Variants in LPIN2 observed in about 807,000 individuals in gnomAD.
LPIN2 encodes the protein phosphatidate phosphatase LPIN2.
LPIN2 carries 55 observed loss-of-function variants against 111.4 expected under a neutral mutation model. The observed-to-expected ratio is 0.49, with a 90% confidence interval of 0.40 to 0.62. The LOEUF (loss-of-function observed/expected upper bound fraction) is 0.62. LPIN2 is among the 20% of genes least tolerant of loss of function. LPIN2 has a pLI of 0.00. For synonymous variants in LPIN2, 425 were observed against 414.0 expected, an observed-to-expected ratio of 1.03 and a Z score of -0.32; for missense variants, 992 against 1,112.1, an observed-to-expected ratio of 0.89 and a Z score of 1.54.
intron 1 of LPIN2, among the ~76,000 whole-genome samples, chr18:2,988,685 C>T (rs2078220770): frequency 6.6e-6 from 1 of 152,186 alleles, no homozygotes; most frequent in African/African-American, 2.4e-5. Context: ...AAGTTAAATG[C>T]TGGTAATGTC....
At chr18:3,007,585 A>G (rs1201624055) in intron 1 of LPIN2, among the ~76,000 whole-genome samples, 1 of 152,240 alleles carries the variant, frequency 6.6e-6, no homozygotes. Flanking sequence ...CTCCTAAAAC[A>G]AACAAAAGAT....
chr18:2,951,412 A>T (rs2077535639), intron 3 of LPIN2, 56 bp from the exon 4 acceptor site: 1 of 1,419,574 alleles, frequency 7.0e-7, no homozygotes, highest in Non-Finnish European at 9.9e-7. Context: ...AGTGAATTAA[A>T]GCAGTAATAT....
intron 1 of LPIN2, among the ~76,000 whole-genome samples, chr18:3,010,478 T>A (rs756510884): frequency 4.0e-5 from 6 of 151,814 alleles, no homozygotes; most frequent in Non-Finnish European, 7.4e-5. Context: ...TTGAGAAGTA[T>A]AAAAACTTAC....
At chr18:2,942,138 T>C (rs1467404857) in intron 4 of LPIN2, among the ~76,000 whole-genome samples, 2 of 152,202 alleles carry the variant, frequency 1.3e-5, no homozygotes, top group Non-Finnish European at 2.9e-5. Context: ...ATACTCTTAT[T>C]TACCACTAAC....
chr18:3,008,166 G>T (rs1480166269), intron 1 of LPIN2, among the ~76,000 whole-genome samples: 3 of 152,224 alleles, frequency 2.0e-5, no homozygotes, highest in African/African-American at 7.2e-5. Flanking sequence ...CTTAGGCTGG[G>T]CACAGTGGCT....
intron 9 of LPIN2, among the ~76,000 whole-genome samples, chr18:2,930,725 T>G (rs148555090): frequency 6.6e-6 from 1 of 152,228 alleles, no homozygotes; most frequent in African/African-American, 2.4e-5. Context: ...CTGACATGTC[T>G]GCTAAACTCC....
intron 2 of LPIN2, among the ~76,000 whole-genome samples, chr18:2,957,693 G>T (rs1462830436): frequency 6.6e-6 from 1 of 152,154 alleles, no homozygotes; most frequent in Non-Finnish European, 1.5e-5. Flanking sequence ...GGAGGTATTG[G>T]TGGCCATTTT....
intron 1 of LPIN2, among the ~76,000 whole-genome samples, chr18:3,000,738 G>C (rs189251489): frequency 2.0e-5 from 3 of 152,284 alleles, no homozygotes; most frequent in Non-Finnish European, 4.4e-5. Context: ...GGGCCTGCTA[G>C]CCAGGTCTAA....
At chr18:2,981,715 C>T (rs1205351788) in intron 1 of LPIN2, among the ~76,000 whole-genome samples, 1 of 152,174 alleles carries the variant, frequency 6.6e-6, no homozygotes, top group Non-Finnish European at 1.5e-5. Context: ...CATATTCAAA[C>T]CACGTCTTTC....
intron 2 of LPIN2, among the ~76,000 whole-genome samples, chr18:2,958,657 G>C (rs2077660435): frequency 6.6e-6 from 1 of 152,106 alleles, no homozygotes; most frequent in African/African-American, 2.4e-5. Flanking sequence ...TACTAAGGGA[G>C]TAGGAGGAAA....
intron 1 of LPIN2, among the ~76,000 whole-genome samples, chr18:2,977,548 GA>G (rs1567849398): frequency 6.6e-6 from 1 of 152,136 alleles, no homozygotes; most frequent in African/African-American, 2.4e-5. Context: ...CTGTGGGCAG[GA>G]AAATACAAGA....
rs1255279795 is a variant in LPIN2, at chr18:2,920,881, C to T, written c.2443G>A (p.Asp815Asn). 2 of 1,606,252 alleles carry T rather than the reference C, an allele frequency of 1.2e-6. No homozygotes were observed. The highest frequency in any genetic ancestry group is 1.7e-6 in the Non-Finnish European group (2 of 1,172,954). Reference protein sequence around the residue: ...FYAAFGNRPNDVYAYTQVGVP... With the variant: ...FYAAFGNRPNNVYAYTQVGVP... ...CCAACTTGTGTGTAGGCATAGACAT[C>T]CTGCAGAAGAAAATAGCAAGCGGGT... is the stretch of plus-strand genomic sequence containing the variant. The change falls in exon 19 of 20, where the codon GAT becomes AAT. Residue 815 changes from aspartate to asparagine, a missense_variant and splice_region_variant. Physicochemically the swap from Asp to Asn is conservative, Grantham distance 23. Transcript: ENST00000677752.
rs2077536153 is a variant in LPIN2, at chr18:2,951,431, T to C, written c.289-75A>G. ...AATTAAAGCAGTAATATTTTGAATA[T>C]ATAAATTTTCACCATGGTAAAAAAA... On this transcript the variant is annotated intron_variant, in intron 3 of 19. Transcript: ENST00000677752. 3 of 1,282,876 alleles carry C rather than the reference T, an allele frequency of 2.3e-6. No individual in the cohort carries two copies. The Admixed American group carries it at 6.5e-5, about 28-fold the overall frequency. The allele number at this position is 1,282,876 out of a possible 1,614,324, so 79.5% of individuals were successfully genotyped here.
intron 2 of LPIN2, among the ~76,000 whole-genome samples, chr18:2,955,322 T>C (rs1433343024): frequency 6.6e-6 from 1 of 152,148 alleles, no homozygotes; most frequent in East Asian, 1.9e-4. Flanking sequence ...AGGAAACCTT[T>C]ACTCACGGTG....
At chr18:3,009,533 G>C (rs746113086) in intron 1 of LPIN2, among the ~76,000 whole-genome samples, 12 of 151,760 alleles carry the variant, frequency 7.9e-5, no homozygotes, top group Non-Finnish European at 1.5e-4. Flanking sequence ...CTGCCTCCCA[G>C]GTTCAAATGA....
intron 4 of LPIN2, chr18:2,945,910 C>T: frequency 2.1e-6 from 3 of 1,420,562 alleles, no homozygotes; most frequent in South Asian, 1.2e-5. Flanking sequence ...CTCTTTTGTA[C>T]AGCCCTCTTG....
At chr18:2,985,658 C>A (rs2078177421) in intron 1 of LPIN2, among the ~76,000 whole-genome samples, 1 of 152,076 alleles carries the variant, frequency 6.6e-6, no homozygotes, top group Non-Finnish European at 1.5e-5. Context: ...GTATGTAAGA[C>A]TAGGTATACA....
At position 2,920,216 on chromosome 18, in the gene LPIN2, G is replaced by C. The variant is rs777471292; in HGVS notation, c.*77C>G. 8.1e-5 allele frequency: 129 copies of C among 1,586,950 alleles called. No individual in the cohort carries two copies. Among genetic ancestry groups the C allele is most frequent in the Non-Finnish European group, 1.1e-4 (127 of 1,157,484 alleles). On this transcript the variant is annotated 3_prime_UTR_variant, in exon 20 of 20. Transcript: ENST00000677752. ...CCCGCTGGGGAAGGCTGGTATCTGA[G>C]GTCAGCAGAAGAGCCAGCTGCCTTC...
chr18:2,945,942 A>AG (rs1165411528), intron 4 of LPIN2: 23 of 1,406,020 alleles, frequency 1.6e-5, no homozygotes, highest in African/African-American at 1.4e-5. Flanking sequence ...TATTAAAATC[A>AG]GAAGTTTTTC....
Sources: allele counts gnomAD v4.1 joint callset (sites outside exome capture counted in the v4.1 genomes callset), GRCh38; gene constraint gnomAD v4.1.1; transcripts MANE v1.5; gene names NCBI Gene and HGNC (gene_info 2026-07-23, HGNC 2026-07-21).